Variants in NEO1 observed in about 807,000 individuals in gnomAD.
The protein encoded by NEO1 is neogenin 1.
NEO1 carries 63 observed loss-of-function variants against 159.7 expected under a neutral mutation model. That is an observed-to-expected ratio of 0.39 (90% CI 0.32 to 0.49). The LOEUF (loss-of-function observed/expected upper bound fraction) is 0.49, where lower values mean the gene tolerates loss of function less well. NEO1 is among the 20% of genes least tolerant of loss of function. The pLI is 0.85. For synonymous variants in NEO1, 633 were observed against 662.0 expected, an observed-to-expected ratio of 0.96 and a Z score of 0.67; for missense variants, 1,615 against 1,831.0, an observed-to-expected ratio of 0.88 and a Z score of 2.15.
intron 7 of NEO1, among the ~76,000 whole-genome samples, chr15:73,223,375 G>C (rs1464227514): frequency 6.6e-6 from 1 of 152,114 alleles, no homozygotes; most frequent in Non-Finnish European, 1.5e-5. Flanking sequence ...TGCTGTCAGT[G>C]GAGTATTGAA....
chr15:73,244,650 A>C (rs1400128121), intron 9 of NEO1, 152 bp downstream of exon 9: 2 of 801,718 alleles, frequency 2.5e-6, no homozygotes, highest in Non-Finnish European at 3.7e-6. Flanking sequence ...ATTAATTTAC[A>C]TCAAAAAACA....
At chr15:73,157,958 G>C (rs2151868483) in intron 5 of NEO1, among the ~76,000 whole-genome samples, 1 of 152,238 alleles carries the variant, frequency 6.6e-6, no homozygotes, top group South Asian at 2.1e-4. Flanking sequence ...GCTCACATCT[G>C]TAATCCCAGC....
At chr15:73,158,091 T>C (rs564428342) in intron 5 of NEO1, among the ~76,000 whole-genome samples, 2 of 151,974 alleles carry the variant, frequency 1.3e-5, no homozygotes, top group South Asian at 4.2e-4. Flanking sequence ...AGTGCATGCC[T>C]GTAGTTCCAG....
intron 3 of NEO1, among the ~76,000 whole-genome samples, chr15:73,124,266 T>C (rs2151669231): frequency 6.6e-6 from 1 of 152,172 alleles, no homozygotes; most frequent in Middle Eastern, 3.4e-3. Context: ...TTTTGCCATA[T>C]TGCCCAAGTT....
chr15:73,229,890 G>A (rs2038807985), intron 7 of NEO1, among the ~76,000 whole-genome samples: 1 of 152,070 alleles, frequency 6.6e-6, no homozygotes, highest in African/African-American at 2.4e-5. Flanking sequence ...ATTCTACTTG[G>A]TCATGGCATA....
At chr15:73,164,019 ATTT>A (rs57049110) in intron 5 of NEO1, among the ~76,000 whole-genome samples, 1 of 123,686 alleles carries the variant, frequency 8.1e-6, no homozygotes, top group African/African-American at 2.7e-5. Flanking sequence ...TCTTTTTCTT[ATTT>A]TTTTTTTTTT....
At chr15:73,098,163 T>G (rs980644772) in intron 1 of NEO1, among the ~76,000 whole-genome samples, 1 of 152,076 alleles carries the variant, frequency 6.6e-6, no homozygotes, top group Non-Finnish European at 1.5e-5. Context: ...AGCTTAAATT[T>G]TTTTGCAGTT....
chr15:73,142,475 A>C (rs1331589444), intron 5 of NEO1, among the ~76,000 whole-genome samples: 1 of 152,186 alleles, frequency 6.6e-6, no homozygotes, highest in Admixed American at 6.5e-5. Flanking sequence ...AAAATTTCTG[A>C]AAGTCCATTA....
chr15:73,230,304 C>T (rs1300334720), intron 7 of NEO1, among the ~76,000 whole-genome samples: 2 of 152,080 alleles, frequency 1.3e-5, no homozygotes, highest in South Asian at 2.1e-4. Context: ...TCCCCTTCCT[C>T]TAATATGTCT....
Position 73,211,443 on chromosome 15 carries a change from G to T in NEO1, c.1292-24904G>T, listed in dbSNP as rs1444036648. ...TGTAGAAAAGTAGGTGGGGCCGGGCGTGTTGGCTCACGCCTGTAATCCCAG... is the reference window on the plus strand; with the variant it reads ...TGTAGAAAAGTAGGTGGGGCCGGGCTTGTTGGCTCACGCCTGTAATCCCAG... On this transcript the variant is annotated intron_variant, in intron 7 of 28. Coordinates refer to ENST00000261908, the MANE Select transcript of NEO1 (RefSeq NM_002499.4). Among the ~76,000 whole-genome samples the T allele has an allele frequency of 3.3e-5, 5 of 151,742 alleles. No individual in the cohort carries two copies. In the East Asian group the frequency reaches 9.8e-4, roughly 30 times the overall value.
chr15:73,102,771 C>T (rs1364313090), intron 1 of NEO1, among the ~76,000 whole-genome samples: 1 of 152,166 alleles, frequency 6.6e-6, no homozygotes, highest in African/African-American at 2.4e-5. Context: ...ATTTCTCTGC[C>T]TGTCTCATCT....
chr15:73,105,297 C>T lies in NEO1; in HGVS notation c.131-11243C>T, dbSNP rs1002681194. 8.9e-4 allele frequency among the ~76,000 whole-genome samples: 135 copies of T among 152,240 alleles called. 1 individual carries two copies. The highest frequency in any genetic ancestry group is 3.2e-3 in the African/African-American group (131 of 41,562). On this transcript the variant is annotated intron_variant, in intron 1 of 28. Transcript: ENST00000261908. ...TACTTTTCTGCGAATGATTACTTTT[C>T]TGGGCAGGGCATTGGATTTCTTGAG...
At chr15:73,059,623 C>T (rs1490071721) in intron 1 of NEO1, among the ~76,000 whole-genome samples, 6 of 152,064 alleles carry the variant, frequency 3.9e-5, no homozygotes, top group African/African-American at 9.7e-5. Context: ...CTTGATTTGG[C>T]GAGAGAAAGT....
intron 8 of NEO1, among the ~76,000 whole-genome samples, chr15:73,237,141 T>C (rs1360423127): frequency 8.3e-6 from 1 of 119,858 alleles, no homozygotes; most frequent in Non-Finnish European, 2.0e-5. Context: ...GTGTGTCCTC[T>C]TCAGTCACTT....
chr15:73,079,436 C>T (rs961152581), intron 1 of NEO1, among the ~76,000 whole-genome samples: 12 of 152,114 alleles, frequency 7.9e-5, no homozygotes, highest in African/African-American at 1.4e-4. Context: ...ATGGTTGAAA[C>T]GTAAATCTAG....
At position 73,289,223 on chromosome 15, in the gene NEO1, T is replaced by C; in HGVS notation, c.3727T>C (p.Ser1243Pro). 1.9e-6 allele frequency: 3 copies of C among 1,614,072 alleles called. No homozygotes were observed. The highest frequency in any genetic ancestry group is 8.5e-7 in the Non-Finnish European group (1 of 1,179,952). Residue 1243 changes from serine to proline, a missense_variant, in exon 25 of 29, where the codon TCC becomes CCC. By Grantham distance (74) the Ser-to-Pro change is moderately conservative. Transcript: ENST00000261908. ...ACCAAAAATGATGATGCCCTTTGAC[T>C]CCCAGCCACCCCAGCGTAAGTAGAA... ...MRPKMMMPFD[S>P]QPPQPVISAH...
chr15:73,165,504 A>C (rs191242108), intron 5 of NEO1, among the ~76,000 whole-genome samples: 70 of 152,304 alleles, frequency 4.6e-4, no homozygotes, highest in African/African-American at 1.6e-3. Context: ...TCCAGTAGTC[A>C]ATTTTCTTAA....
At chr15:73,108,134 T>A (rs2070782718) in intron 1 of NEO1, among the ~76,000 whole-genome samples, 1 of 152,200 alleles carries the variant, frequency 6.6e-6, no homozygotes, top group Non-Finnish European at 1.5e-5. Flanking sequence ...CCAATTCAGA[T>A]TTCCCCCACT....
chr15:73,159,518 C>T (rs771546297), intron 5 of NEO1, among the ~76,000 whole-genome samples: 5 of 151,526 alleles, frequency 3.3e-5, no homozygotes, highest in Non-Finnish European at 5.9e-5. Flanking sequence ...AAAGTTTTGG[C>T]GAAAACCACA....
Sources: allele counts gnomAD v4.1 joint callset (sites outside exome capture counted in the v4.1 genomes callset), GRCh38; gene constraint gnomAD v4.1.1; transcripts MANE v1.5; gene names NCBI Gene and HGNC (gene_info 2026-07-23, HGNC 2026-07-21).